Variants in KCNK12 observed in about 807,000 individuals in gnomAD.
KCNK12 encodes potassium two pore domain channel subfamily K member 12.
KCNK12 carries 6 observed loss-of-function variants against 25.3 expected under a neutral mutation model. The ratio of observed to expected loss-of-function variants is 0.24; its 90% CI spans 0.13 to 0.47. KCNK12 has a LOEUF of 0.47. KCNK12 is among the 20% of genes least tolerant of loss of function. The probability of loss-of-function intolerance (pLI) is 0.99; values close to 1 mark genes in which losing one functional copy is unlikely to be tolerated. For missense variants in KCNK12, 444 were observed against 661.7 expected, an observed-to-expected ratio of 0.67 and a Z score of 3.61; for synonymous variants, 331 against 311.1, an observed-to-expected ratio of 1.06 and a Z score of -0.67.
chr2:47,569,994 C>T lies in KCNK12; in HGVS notation c.338G>A (p.Arg113His). The change falls in exon 1 of 2, where the codon CGC becomes CAC. Residue 113 changes from arginine to histidine, a missense_variant. By Grantham distance (29) the Arg-to-His change is conservative. Coordinates refer to ENST00000327876, the MANE Select transcript of KCNK12 (RefSeq NM_022055.2). The surrounding 1 kb of genome is among the most constrained non-coding windows in gnomAD (Gnocchi z 4.1). ...GTAGAAGGCGCCGGGGAAGTCCCAG[C>T]GCGGGCGCAGCGCGTCGGCGCGGAC... is the stretch of plus-strand genomic sequence containing the variant. Reference protein sequence around the residue: ...AGVRADALRPRWDFPGAFYFV... With the variant: ...AGVRADALRPHWDFPGAFYFV... 7.0e-7 allele frequency: 1 copy of T among 1,432,400 alleles called. No individual in the cohort carries two copies. The highest frequency in any genetic ancestry group is 9.1e-7 in the Non-Finnish European group (1 of 1,093,636). 88.7% of individuals were successfully genotyped at this position (1,432,400 alleles called of 1,614,324 possible). A position where few individuals can be genotyped will look rare whatever the true frequency, so the allele number is the denominator to read the frequency against.
chr2:47,560,456 C>T lies in KCNK12; in HGVS notation c.391+9485G>A, dbSNP rs890572382. Among the ~76,000 whole-genome samples the T allele has an allele frequency of 4.6e-4, 70 of 152,326 alleles. No individual in the cohort carries two copies. The highest frequency in any genetic ancestry group is 3.9e-3 in the Admixed American group (60 of 15,298). ...GCTTCAGCTCTCACTGATGCCTCCT[C>T]ATCCTCCTCCTCCACCCACACAACC... On this transcript the variant is annotated intron_variant, in intron 1 of 1. Transcript: ENST00000327876. The surrounding 1 kb of genome is among the most constrained non-coding windows in gnomAD (Gnocchi z 4.7).
At chr2:47,549,009 G>T (rs1004069706) in intron 1 of KCNK12, among the ~76,000 whole-genome samples, 4 of 152,170 alleles carry the variant, frequency 2.6e-5, no homozygotes, top group African/African-American at 9.7e-5. Context: ...TACTCGCAAA[G>T]GTCTGAATAA....
rs916132000 is a variant in KCNK12 at position 47,548,139 on chromosome 2, C to T, written c.391+21802G>A. Reference sequence around the variant, plus strand: ...GTAAGTTCCCTGAGGCCTCTCCTGCCAAGCTTCCTGTAGCTTGCAGAACCG... The same window carrying T: ...GTAAGTTCCCTGAGGCCTCTCCTGCTAAGCTTCCTGTAGCTTGCAGAACCG... On this transcript the variant is annotated intron_variant, in intron 1 of 1. Transcript: ENST00000327876. This position sits in a 1 kb window ranked among gnomAD's most constrained non-coding sequence, Gnocchi z 4.4. Among the ~76,000 whole-genome samples, 1 of 152,182 alleles carries T rather than the reference C, an allele frequency of 6.6e-6. No homozygotes were observed. Among genetic ancestry groups the T allele is most frequent in the African/African-American group, 2.4e-5 (1 of 41,442 alleles).
At position 47,520,889 on chromosome 2, in the gene KCNK12, C is replaced by A; in HGVS notation, c.*18G>T. On this transcript the variant is annotated 3_prime_UTR_variant, in exon 2 of 2. Transcript: ENST00000327876. This position sits in a 1 kb window ranked among gnomAD's most constrained non-coding sequence, Gnocchi z 5.0. ...CCCGCGGCCTGGAGAGGGTCCCCGGCGCGGGCGGACGGGCGGTCTACCTGG... is the reference window on the plus strand; with the variant it reads ...CCCGCGGCCTGGAGAGGGTCCCCGGAGCGGGCGGACGGGCGGTCTACCTGG... 8.1e-7 allele frequency: 1 copy of A among 1,240,854 alleles called. No individual in the cohort carries two copies. The highest frequency in any genetic ancestry group is 1.0e-6 in the Non-Finnish European group (1 of 992,102). 76.9% of individuals were successfully genotyped at this position (1,240,854 alleles called of 1,614,324 possible).
intron 1 of KCNK12, among the ~76,000 whole-genome samples, chr2:47,552,492 G>C (rs1465669160): frequency 1.3e-5 from 2 of 152,212 alleles, no homozygotes; most frequent in Non-Finnish European, 2.9e-5. Flanking sequence ...GCCCTGTAGA[G>C]CCTGGCGGCT....
rs959947512 is a variant in KCNK12 at position 47,511,010 on chromosome 2, C to T, written c.*9897G>A. 1.3e-5 allele frequency: 2 copies of T among 152,160 alleles called. No homozygotes were observed. Among genetic ancestry groups the T allele is most frequent in the African/African-American group, 4.8e-5 (2 of 41,404 alleles). The allele number at this position is 152,160 out of a possible 1,614,324, so 9.4% of individuals were successfully genotyped here. A position where few individuals can be genotyped will look rare whatever the true frequency, so the allele number is the denominator to read the frequency against. ...CAACCAACATGTCCTAGCTCCTAGA[C>T]CATAGAGGGCCAGATTCATGTCTCA... On this transcript the variant is annotated 3_prime_UTR_variant, in exon 2 of 2. Transcript: ENST00000327876. This position sits in a 1 kb window ranked among gnomAD's most constrained non-coding sequence, Gnocchi z 4.3.
At chr2:47,534,151 G>C (rs563768512) in intron 1 of KCNK12, among the ~76,000 whole-genome samples, 1 of 152,066 alleles carries the variant, frequency 6.6e-6, no homozygotes, top group African/African-American at 2.4e-5. Flanking sequence ...TGGTTAACTG[G>C]GAGCAAATGC....
rs1668866662 is a variant in KCNK12 at position 47,529,284 on chromosome 2, G to T, written c.392-7476C>A. 6.6e-6 allele frequency: 1 copy of T among 152,180 alleles called. No homozygotes were observed. The highest frequency in any genetic ancestry group is 1.5e-5 in the Non-Finnish European group (1 of 68,042). 9.4% of individuals were successfully genotyped at this position (152,180 alleles called of 1,614,324 possible). On this transcript the variant is annotated intron_variant, in intron 1 of 1. Transcript: ENST00000327876. This position sits in a 1 kb window ranked among gnomAD's most constrained non-coding sequence, Gnocchi z 4.3. ...GATTAAAATGCAGATTCCATGGCAG[G>T]TCCCGCTCAGAGGTTTATTTAGTGG...
intron 1 of KCNK12, among the ~76,000 whole-genome samples, chr2:47,542,052 G>T (rs1429044106): frequency 6.6e-6 from 1 of 152,200 alleles, no homozygotes; most frequent in Non-Finnish European, 1.5e-5. Context: ...TGATCAGGAG[G>T]CTGTGTTTAT....
Position 47,521,078 on chromosome 2 carries a change from G to A in KCNK12, c.1122C>T (p.Leu374=). ...LSGELISMRD[L]TASNKVSLAL... ...CCAGCGACACCTTGTTGGAGGCCGT[G>A]AGGTCGCGCATGGAGATGAGCTCGC... The change falls in exon 2 of 2, where the codon CTC becomes CTT. Residue 374 remains leucine, a synonymous_variant. Coordinates refer to ENST00000327876, the MANE Select transcript of KCNK12 (RefSeq NM_022055.2). The A allele has an allele frequency of 5.2e-6, 7 of 1,351,166 alleles. No individual in the cohort carries two copies. The highest frequency in any genetic ancestry group is 6.7e-6 in the Non-Finnish European group (7 of 1,050,234). 83.7% of individuals were successfully genotyped at this position (1,351,166 alleles called of 1,614,324 possible).
At position 47,525,913 on chromosome 2, in the gene KCNK12, G is replaced by C. The variant is rs1322488442; in HGVS notation, c.392-4105C>G. ...CCACCAGCAAAAGTTAAGAAGGAATGATAGTGGCTCCAGTGATGTAAGATC... is the reference window on the plus strand; with the variant it reads ...CCACCAGCAAAAGTTAAGAAGGAATCATAGTGGCTCCAGTGATGTAAGATC... On this transcript the variant is annotated intron_variant, in intron 1 of 1. Coordinates refer to ENST00000327876, the MANE Select transcript of KCNK12 (RefSeq NM_022055.2). This position sits in a 1 kb window ranked among gnomAD's most constrained non-coding sequence, Gnocchi z 4.1. Among the ~76,000 whole-genome samples the C allele has an allele frequency of 6.6e-6, 1 of 152,154 alleles. No homozygotes were observed. The highest frequency in any genetic ancestry group is 1.5e-5 in the Non-Finnish European group (1 of 68,014).
intron 1 of KCNK12, among the ~76,000 whole-genome samples, chr2:47,536,411 T>C (rs2104795840): frequency 6.6e-6 from 1 of 152,288 alleles, no homozygotes; most frequent in African/African-American, 2.4e-5. Context: ...AGAATGCAGG[T>C]CCTCAGGGAG....
chr2:47,530,293 G>C (rs1457276288), intron 1 of KCNK12, among the ~76,000 whole-genome samples: 1 of 152,172 alleles, frequency 6.6e-6, no homozygotes, highest in South Asian at 2.1e-4. Flanking sequence ...GTGGGCTTCT[G>C]GCCAGACTCA....
chr2:47,515,796 G>A lies in KCNK12; in HGVS notation c.*5111C>T, dbSNP rs1668511373. On this transcript the variant is annotated 3_prime_UTR_variant, in exon 2 of 2. Transcript: ENST00000327876. ...TTTGCACTATTATTAGGGCAAGTAA[G>A]CTGCTTCTGAAAAGAAGGGGTTTGC... Among the ~76,000 whole-genome samples, 1 of 152,162 alleles carries A rather than the reference G, an allele frequency of 6.6e-6. No individual in the cohort carries two copies. The highest frequency in any genetic ancestry group is 6.5e-5 in the Admixed American group (1 of 15,278).
chr2:47,551,874 T>A lies in KCNK12; in HGVS notation c.391+18067A>T, dbSNP rs1669441378. 6.6e-6 allele frequency among the ~76,000 whole-genome samples: 1 copy of A among 152,184 alleles called. No homozygotes were observed. The highest frequency in any genetic ancestry group is 2.4e-5 in the African/African-American group (1 of 41,438). On this transcript the variant is annotated intron_variant, in intron 1 of 1. Coordinates refer to ENST00000327876, the MANE Select transcript of KCNK12 (RefSeq NM_022055.2). The surrounding 1 kb of genome is among the most constrained non-coding windows in gnomAD (Gnocchi z 5.3). ...CTACAGTGGCATTACAGAGAAAGCC[T>A]GGAAACATTACAAGGGAGTAGAGCC...
chr2:47,567,763 G>C (rs539016719), intron 1 of KCNK12, among the ~76,000 whole-genome samples: 1 of 152,198 alleles, frequency 6.6e-6, no homozygotes, highest in Non-Finnish European at 1.5e-5. Flanking sequence ...ACATGCTTCA[G>C]TGTAGCCCTC....
intron 1 of KCNK12, among the ~76,000 whole-genome samples, chr2:47,527,037 G>C (rs1668795500): frequency 6.6e-6 from 1 of 152,198 alleles, no homozygotes; most frequent in Non-Finnish European, 1.5e-5. Flanking sequence ...GTGAAAAGCA[G>C]TTGCGAAGTC....
rs72872828 is a variant in KCNK12, at chr2:47,551,523, C to A, written c.391+18418G>T. 0.032 allele frequency among the ~76,000 whole-genome samples: 4,923 copies of A among 152,234 alleles called. 232 individuals are homozygous for A. Among genetic ancestry groups the A allele is most frequent in the African/African-American group, 0.11 (4,491 of 41,508 alleles). The stretch of plus-strand genomic sequence containing the variant: ...TCACTGCTGTATCCCTGGGGATTTT[C>A]AGTTGCTGGCACATAGTGGAGCGCT... On this transcript the variant is annotated intron_variant, in intron 1 of 1. Coordinates refer to ENST00000327876, the MANE Select transcript of KCNK12 (RefSeq NM_022055.2). The surrounding 1 kb of genome is among the most constrained non-coding windows in gnomAD (Gnocchi z 5.3).
At position 47,511,967 on chromosome 2, in the gene KCNK12, G is replaced by T. The variant is rs1668412791; in HGVS notation, c.*8940C>A. ...GTGTGTGGCTTGTGGCTGCCTATTG[G>T]ACTGTGCAGTTCTGGAGAATGGTAC... On this transcript the variant is annotated 3_prime_UTR_variant, in exon 2 of 2. Transcript: ENST00000327876. The surrounding 1 kb of genome is among the most constrained non-coding windows in gnomAD (Gnocchi z 4.3). 6.6e-6 allele frequency among the ~76,000 whole-genome samples: 1 copy of T among 152,162 alleles called. No homozygotes were observed. The highest frequency in any genetic ancestry group is 1.5e-5 in the Non-Finnish European group (1 of 68,024).
Sources: allele counts gnomAD v4.1 joint callset (sites outside exome capture counted in the v4.1 genomes callset), GRCh38; gene constraint gnomAD v4.1.1; non-coding constraint Gnocchi (gnomAD v3.1); transcripts MANE v1.5; gene names NCBI Gene and HGNC (gene_info 2026-07-23, HGNC 2026-07-21).